The following GK variants were observed in gnomAD, a reference collection of about 807,000 sequenced individuals.
GK encodes glycerol kinase.
In GK, 9 loss-of-function variants were observed where a neutral mutation model predicts 56.4. That is an observed-to-expected ratio of 0.16 (90% CI 0.10 to 0.28). GK has a LOEUF of 0.28. GK is among the 10% of genes least tolerant of loss of function. GK has a pLI of 1.00. For synonymous variants in GK, 104 were observed against 144.1 expected, an observed-to-expected ratio of 0.72 and a Z score of 1.99; for missense variants, 161 against 431.4, an observed-to-expected ratio of 0.37 and a Z score of 5.55.
At chrX:30,723,382 G>A (rs1436458442) in intron 18 of GK, among the ~76,000 whole-genome samples, 10 of 107,613 alleles carry the variant, frequency 9.3e-5, no homozygotes, top group Non-Finnish European at 7.7e-5. Context: ...GCGACAGAGC[G>A]AGACTCAGTC....
chrX:30,703,619 G>T (rs933446022), intron 11 of GK, among the ~76,000 whole-genome samples: 3 of 111,810 alleles, frequency 2.7e-5, no homozygotes, highest in Non-Finnish European at 3.8e-5. Flanking sequence ...GTGCTGGCAG[G>T]CTGTATGTTG....
intron 18 of GK, among the ~76,000 whole-genome samples, chrX:30,723,222 C>T (rs1201136531): frequency 9.1e-6 from 1 of 110,031 alleles, no homozygotes; most frequent in Non-Finnish European, 1.9e-5. Context: ...GGTGAAACCC[C>T]ATCTCTACTA....
intron 6 of GK, 139 bp downstream of exon 6, chrX:30,694,676 G>A: frequency 2.0e-6 from 1 of 511,189 alleles, no homozygotes; most frequent in South Asian, 3.2e-5. Context: ...AGCAACAGGA[G>A]AAGTTTTCAG....
At position 30,729,415 on chromosome X, in the gene GK, T is replaced by C. The variant is rs1325522040; in HGVS notation, c.*673T>C. 2 of 111,895 alleles carry C rather than the reference T, an allele frequency of 1.8e-5. No homozygotes were observed. The highest frequency in any genetic ancestry group is 3.8e-5 in the Non-Finnish European group (2 of 53,117). The allele number at this position is 111,895 out of a possible 1,213,427, so 9.2% of individuals were successfully genotyped here. ...TCTGGATCTTATAGGAAAAGATACT[T>C]TCTTTTTTCTTCCATCTTTCCTTTT... On this transcript the variant is annotated 3_prime_UTR_variant, in exon 21 of 21. Coordinates refer to ENST00000427190, the MANE Select transcript of GK (RefSeq NM_001205019.2).
At chrX:30,700,314 T>A (rs1935577732) in intron 9 of GK, 100 bp from the exon 10 acceptor site, 1 of 534,636 alleles carries the variant, frequency 1.9e-6, no homozygotes, top group East Asian at 3.6e-5. Flanking sequence ...TCTGCCCACA[T>A]CCTCTGGCAC....
At chrX:30,718,146 AC>A (rs1936721914) in intron 13 of GK, among the ~76,000 whole-genome samples, 2 of 112,035 alleles carry the variant, frequency 1.8e-5, no homozygotes, top group African/African-American at 6.5e-5. Flanking sequence ...GATATGGGAA[AC>A]AGACTTGAAA....
At chrX:30,663,365 T>G (rs915515847) in intron 1 of GK, among the ~76,000 whole-genome samples, 6 of 111,946 alleles carry the variant, frequency 5.4e-5, no homozygotes, top group African/African-American at 1.9e-4. Context: ...TTTTTGGACA[T>G]TCAACAAATA....
chrX:30,691,468 C>CTTTTTT (rs144523573), intron 5 of GK, among the ~76,000 whole-genome samples: 2 of 72,662 alleles, frequency 2.8e-5, no homozygotes, highest in Non-Finnish European at 5.2e-5. Flanking sequence ...CCAAGGGGTG[C>CTTTTTT]TTTTTTTTTT....
chrX:30,660,102 T>G (rs1396413566), intron 1 of GK, among the ~76,000 whole-genome samples: 2 of 111,397 alleles, frequency 1.8e-5, no homozygotes, highest in Non-Finnish European at 3.8e-5. Flanking sequence ...TTAATTACTC[T>G]CCTCCTCCAA....
intron 2 of GK, among the ~76,000 whole-genome samples, chrX:30,667,222 A>G (rs1480655351): frequency 1.8e-5 from 2 of 112,080 alleles, no homozygotes; most frequent in African/African-American, 6.5e-5. Flanking sequence ...CAGGAAAGGG[A>G]AGCATTTAGT....
intron 6 of GK, chrX:30,695,194 C>G: frequency 1.1e-6 from 1 of 891,115 alleles, no homozygotes; most frequent in Non-Finnish European, 1.4e-6. Flanking sequence ...TGTCCCCACT[C>G]TCACTTGACA....
intron 11 of GK, among the ~76,000 whole-genome samples, chrX:30,704,634 T>C (rs1423448478): frequency 2.8e-5 from 3 of 108,612 alleles, no homozygotes; most frequent in African/African-American, 1.0e-4. Flanking sequence ...TGCAGTGGCA[T>C]GATCTCAACT....
At chrX:30,693,786 T>C (rs755737401) in intron 5 of GK, among the ~76,000 whole-genome samples, 4 of 111,170 alleles carry the variant, frequency 3.6e-5, no homozygotes, top group African/African-American at 9.8e-5. Context: ...TAACCTCAAG[T>C]GATCCACCTG....
intron 3 of GK, among the ~76,000 whole-genome samples, chrX:30,673,276 T>C (rs185274955): frequency 1.8e-5 from 2 of 112,081 alleles, no homozygotes; most frequent in East Asian, 2.8e-4. Context: ...ATGAAAGACT[T>C]TGAGGCCAGG....
chrX:30,662,197 T>C (rs1392426125), intron 1 of GK, among the ~76,000 whole-genome samples: 1 of 112,875 alleles, frequency 8.9e-6, no homozygotes, highest in Non-Finnish European at 1.9e-5. Context: ...ATTAATATTT[T>C]ATATCTATCA....
At chrX:30,706,745 T>C (rs777355354) in intron 11 of GK, among the ~76,000 whole-genome samples, 1 of 111,930 alleles carries the variant, frequency 8.9e-6, no homozygotes, top group African/African-American at 3.3e-5. Flanking sequence ...AGGTAGACCT[T>C]AAATTGCCTT....
At chrX:30,707,691 T>A (rs981849841) in intron 12 of GK, 93 bp downstream of exon 12, 1 of 528,569 alleles carries the variant, frequency 1.9e-6, no homozygotes, top group East Asian at 3.6e-5. Context: ...TTTTAGTCTT[T>A]AGCTTTTACT....
chrX:30,678,233 G>A, intron 4 of GK: 1 of 391,082 alleles, frequency 2.6e-6, no homozygotes, highest in South Asian at 4.3e-5. Flanking sequence ...GTGGCTATTT[G>A]AGCAGGGATT....
rs1936873362 is a variant in GK at position 30,721,068 on chromosome X, T to C, written c.1501+73T>C. 2.9e-6 allele frequency: 3 copies of C among 1,036,024 alleles called. No individual in the cohort carries two copies. The South Asian group carries it at 5.8e-5, about 20-fold the overall frequency. The allele number at this position is 1,036,024 out of a possible 1,213,427, so 85.4% of individuals were successfully genotyped here. ...TTAGTGCACGGGAGTTTTGTTTTTC[T>C]GTTTAGTTAAAAGTTAAGGAACCAA... On this transcript the variant is annotated intron_variant, in intron 18 of 20. Coordinates refer to ENST00000427190, the MANE Select transcript of GK (RefSeq NM_001205019.2).
Sources: gnomAD v4.1 joint callset for allele counts (sites outside exome capture counted in the v4.1 genomes callset) on GRCh38, gnomAD v4.1.1 for gene constraint, MANE v1.5 for transcripts, NCBI Gene and HGNC (gene_info 2026-07-23, HGNC 2026-07-21) for gene names.